Variants in PEX5L observed in about 807,000 individuals in gnomAD.
The protein encoded by PEX5L is PEX5-related protein.
In PEX5L, 30 loss-of-function variants were observed where a neutral mutation model predicts 84.0. The ratio of observed to expected loss-of-function variants is 0.36; its 90% CI spans 0.27 to 0.48. PEX5L has a LOEUF of 0.48. Ranked by LOEUF, PEX5L falls within the 20% of genes least tolerant of loss-of-function variation. PEX5L has a pLI of 0.99. For synonymous variants in PEX5L, 270 were observed against 283.1 expected, an observed-to-expected ratio of 0.95 and a Z score of 0.46; for missense variants, 533 against 754.6, an observed-to-expected ratio of 0.71 and a Z score of 3.44.
intron 1 of PEX5L, among the ~76,000 whole-genome samples, chr3:180,033,927 T>C (rs1791674325): frequency 6.6e-6 from 1 of 152,216 alleles, no homozygotes; most frequent in African/African-American, 2.4e-5. Context: ...CAACTTTTAT[T>C]TTCTAATGAA....
intron 2 of PEX5L, among the ~76,000 whole-genome samples, chr3:179,938,073 A>G (rs567307033): frequency 6.6e-6 from 1 of 152,028 alleles, no homozygotes; most frequent in Non-Finnish European, 1.5e-5. Flanking sequence ...CCATACAATT[A>G]TGGAACCAGA....
At chr3:179,961,279 G>A (rs1781959196) in intron 2 of PEX5L, among the ~76,000 whole-genome samples, 2 of 151,742 alleles carry the variant, frequency 1.3e-5, no homozygotes, top group African/African-American at 4.8e-5. Flanking sequence ...TCAACTGGGG[G>A]TAAACCATGT....
chr3:179,928,604 A>G (rs1772153487), intron 2 of PEX5L, among the ~76,000 whole-genome samples: 3 of 152,184 alleles, frequency 2.0e-5, no homozygotes, highest in South Asian at 2.1e-4. Flanking sequence ...CTGATTCTGG[A>G]TTGAATTTTA....
intron 8 of PEX5L, among the ~76,000 whole-genome samples, chr3:179,830,182 G>A (rs1732247544): frequency 6.6e-6 from 1 of 151,752 alleles, no homozygotes. Context: ...AGAATATTTG[G>A]AGGGGGGAAA....
chr3:179,964,946 T>C (rs1036946786), intron 2 of PEX5L, among the ~76,000 whole-genome samples: 1 of 152,236 alleles, frequency 6.6e-6, no homozygotes, highest in African/African-American at 2.4e-5. Context: ...GAGCAGCCTG[T>C]GGCTCACAGA....
At chr3:180,034,867 T>TAA (rs1304400163) in intron 1 of PEX5L, among the ~76,000 whole-genome samples, 2 of 152,152 alleles carry the variant, frequency 1.3e-5, no homozygotes, top group Non-Finnish European at 2.9e-5. Flanking sequence ...ATATTTTGTT[T>TAA]ATTCTTTCAA....
intron 2 of PEX5L, among the ~76,000 whole-genome samples, chr3:179,932,985 C>T (rs1773519418): frequency 6.6e-6 from 1 of 152,060 alleles, no homozygotes; most frequent in Non-Finnish European, 1.5e-5. Context: ...AATTTTGTAT[C>T]CTCTGACCAA....
chr3:179,886,392 G>A (rs1014588285), intron 4 of PEX5L, among the ~76,000 whole-genome samples: 2 of 152,036 alleles, frequency 1.3e-5, no homozygotes, highest in African/African-American at 4.8e-5. Flanking sequence ...AATGATTGCT[G>A]TGGTGTGATA....
intron 8 of PEX5L, among the ~76,000 whole-genome samples, chr3:179,832,471 C>A (rs1733440900): frequency 6.6e-6 from 1 of 151,748 alleles, no homozygotes; most frequent in Admixed American, 6.6e-5. Flanking sequence ...TACCTACCCA[C>A]CTACCCACCA....
intron 9 of PEX5L, among the ~76,000 whole-genome samples, chr3:179,816,728 A>C (rs1042627208): frequency 2.0e-5 from 3 of 152,160 alleles, no homozygotes; most frequent in African/African-American, 2.4e-5. Flanking sequence ...TCAGAACTTA[A>C]AGCATAATAA....
chr3:179,922,880 C>T (rs1045179560), intron 2 of PEX5L, among the ~76,000 whole-genome samples: 27 of 152,216 alleles, frequency 1.8e-4, no homozygotes, highest in African/African-American at 6.0e-4. Flanking sequence ...GAAAGATCAG[C>T]CTTGCCTTTC....
At position 179,887,736 on chromosome 3, in the gene PEX5L, C is replaced by T. The variant is rs751114992; in HGVS notation, c.247G>A (p.Asp83Asn). ...ESRPLLSPSI[D>N]DFLCETKSEA... ...GATTTGGTTTCACAGAGAAAGTCAT[C>T]GATGGAGGGACTCAGGAGGGGTCTG... The change falls in exon 4 of 15, where the codon GAT becomes AAT. Residue 83 changes from aspartate to asparagine, a missense_variant. Asp to Asn is a conservative substitution (Grantham distance 23). Around this residue, in one of 8 missense-constraint regions of PEX5L, gnomAD observed 259 missense variants for 301.7 expected, o/e 0.86. Coordinates refer to ENST00000467460, the MANE Select transcript of PEX5L (RefSeq NM_016559.3). 1.2e-6 allele frequency: 2 copies of T among 1,613,800 alleles called. No homozygotes were observed. The highest frequency in any genetic ancestry group is 2.2e-5 in the East Asian group (1 of 44,884).
intron 11 of PEX5L, among the ~76,000 whole-genome samples, chr3:179,811,032 C>T (rs764714053): frequency 2.7e-4 from 41 of 152,030 alleles, no homozygotes; most frequent in Non-Finnish European, 4.4e-4. Context: ...AGGGCCACAC[C>T]CCAGGCACCG....
intron 8 of PEX5L, among the ~76,000 whole-genome samples, chr3:179,828,343 C>T (rs1003125604): frequency 7.2e-5 from 11 of 152,110 alleles, no homozygotes; most frequent in African/African-American, 2.7e-4. Flanking sequence ...ATGTTTTCTC[C>T]CTTCTCATCC....
At chr3:179,810,536 G>A (rs1016743850) in intron 11 of PEX5L, among the ~76,000 whole-genome samples, 4 of 152,112 alleles carry the variant, frequency 2.6e-5, no homozygotes, top group Non-Finnish European at 5.9e-5. Flanking sequence ...TGAATCATCT[G>A]GGGTGTCTTA....
chr3:179,859,160 G>A lies in PEX5L; in HGVS notation c.727-3C>T. 4 of 1,599,418 alleles carry A rather than the reference G, an allele frequency of 2.5e-6. No individual in the cohort carries two copies. The highest frequency in any genetic ancestry group is 3.4e-6 in the Non-Finnish European group (4 of 1,166,600). ...CGATGTTCTTTGGTCAGTCGAGCCT[G>A]AAATCAATCATACACATAGTGTTAT... On this transcript the variant is annotated splice_polypyrimidine_tract_variant and splice_region_variant and intron_variant, in intron 7 of 14. Transcript: ENST00000467460.
At chr3:179,841,593 T>A (rs922618477) in intron 8 of PEX5L, among the ~76,000 whole-genome samples, 1 of 152,254 alleles carries the variant, frequency 6.6e-6, no homozygotes, top group Non-Finnish European at 1.5e-5. Context: ...TAGGGTCTGA[T>A]AGACAATAGT....
At chr3:179,938,683 C>G (rs948420553) in intron 2 of PEX5L, among the ~76,000 whole-genome samples, 2 of 152,160 alleles carry the variant, frequency 1.3e-5, no homozygotes, top group Non-Finnish European at 2.9e-5. Flanking sequence ...ATAGACATGC[C>G]TCAAGGAGAG....
At chr3:179,851,713 T>A (rs970727510) in intron 8 of PEX5L, among the ~76,000 whole-genome samples, 1 of 152,146 alleles carries the variant, frequency 6.6e-6, no homozygotes, top group Non-Finnish European at 1.5e-5. Context: ...AAGATTGTCA[T>A]GAAGAGAGGT....
Sources: allele counts gnomAD v4.1 joint callset (sites outside exome capture counted in the v4.1 genomes callset), GRCh38; gene constraint gnomAD v4.1.1; regional missense constraint gnomAD v4.1.1; transcripts MANE v1.5; gene names NCBI Gene and HGNC (gene_info 2026-07-23, HGNC 2026-07-21).